The following TEX9 variants were observed in gnomAD, a reference collection of about 807,000 sequenced individuals.
TEX9 encodes the protein testis expressed 9, also known as testis-expressed protein 9.
A neutral mutation model predicts 59.6 loss-of-function variants in TEX9; 74 were observed. That is an observed-to-expected ratio of 1.24 (90% confidence interval 1.03 to 1.51). TEX9 has a LOEUF of 1.51. TEX9 is among the 40% of genes most tolerant of loss of function. The probability of loss-of-function intolerance (pLI) is 0.00; values close to 1 mark genes in which losing one functional copy is unlikely to be tolerated. For missense variants in TEX9, 522 were observed against 447.8 expected, an observed-to-expected ratio of 1.17 and a Z score of -1.49; for synonymous variants, 186 against 152.2, an observed-to-expected ratio of 1.22 and a Z score of -1.64.
At chr15:56,386,380 AC>A (rs1249323861) in intron 4 of TEX9, among the ~76,000 whole-genome samples, 1 of 151,880 alleles carries the variant, frequency 6.6e-6, no homozygotes, top group African/African-American at 2.4e-5. Context: ...ATTAGCTAAA[AC>A]ATATTGACCT....
chr15:56,322,999 A>G (rs1045945236), intron 1 of TEX9, among the ~76,000 whole-genome samples: 7 of 152,124 alleles, frequency 4.6e-5, no homozygotes, highest in African/African-American at 1.7e-4. Context: ...ACAAAAATAA[A>G]GAACGGAGGC....
chr15:56,427,796 A>G, intron 11 of TEX9, 57 bp downstream of exon 11: 1 of 1,347,538 alleles, frequency 7.4e-7, no homozygotes, highest in Middle Eastern at 2.7e-4. Flanking sequence ...TTACTAAAAA[A>G]TTTAGCATTT....
At chr15:56,454,202 T>C in the TEX9 span, among the ~76,000 whole-genome samples, 1 of 152,180 alleles carries the variant, frequency 6.6e-6, no homozygotes. Flanking sequence ...ACTCAAGCAC[T>C]TTCTTCCTTT....
In TEX9 at chr15:56,252,093, A is replaced by C. The variant is rs149971282; in HGVS notation, c.-107+7815A>C. Among the ~76,000 whole-genome samples the C allele has an allele frequency of 3.4e-3, 514 of 152,222 alleles. 3 individuals are homozygous for C. The highest frequency in any genetic ancestry group is 0.012 in the African/African-American group (481 of 41,536). ...TGCATCCTCTCAGCAGTTTTCCCTT[A>C]TCCATTCCCTACCCACTCCCAGCCA... On this transcript the variant is annotated intron_variant, in intron 1 of 5. Transcript: ENST00000560827.
chr15:56,444,035 G>C (rs1404444248), intron 12 of TEX9, among the ~76,000 whole-genome samples: 4 of 151,938 alleles, frequency 2.6e-5, no homozygotes, highest in African/African-American at 9.7e-5. Flanking sequence ...TCTTTGGGTA[G>C]AATACTGTGA....
At chr15:56,403,319 C>A (rs2048895901) in intron 9 of TEX9, among the ~76,000 whole-genome samples, 1 of 152,226 alleles carries the variant, frequency 6.6e-6, no homozygotes, top group Non-Finnish European at 1.5e-5. Context: ...GCAAAAATCA[C>A]AAGCATTCCT....
chr15:56,295,081 T>A (rs2045187244), intron 1 of TEX9, among the ~76,000 whole-genome samples: 1 of 152,148 alleles, frequency 6.6e-6, no homozygotes, highest in Non-Finnish European at 1.5e-5. Flanking sequence ...TATATATTTT[T>A]AATTCTATAA....
intron 9 of TEX9, among the ~76,000 whole-genome samples, chr15:56,402,810 T>G (rs2048864588): frequency 6.6e-6 from 1 of 152,148 alleles, no homozygotes; most frequent in African/African-American, 2.4e-5. Flanking sequence ...TCATCCCTGG[T>G]TGAACAAGGC....
upstream of TEX9, among the ~76,000 whole-genome samples, chr15:56,361,598 C>T (rs2046790148): frequency 6.6e-6 from 1 of 152,002 alleles, no homozygotes; most frequent in Non-Finnish European, 1.5e-5. Flanking sequence ...TTAAAGTGTG[C>T]CACCTCCCCC....
intron 10 of TEX9, chr15:56,421,854 T>G (rs2049992050): frequency 6.6e-6 from 1 of 151,722 alleles, no homozygotes; most frequent in Non-Finnish European, 1.5e-5. Context: ...ATTTTCTTAA[T>G]TCAGTCTATC....
chr15:56,401,744 C>T (rs1454323415), intron 9 of TEX9, among the ~76,000 whole-genome samples: 1 of 152,172 alleles, frequency 6.6e-6, no homozygotes, highest in Non-Finnish European at 1.5e-5. Context: ...AAGCACTCCT[C>T]AGCAAATGTA....
intron 1 of TEX9, among the ~76,000 whole-genome samples, chr15:56,324,063 C>T (rs947331965): frequency 6.6e-6 from 1 of 152,006 alleles, no homozygotes; most frequent in African/African-American, 2.4e-5. Context: ...AAATCGAAAG[C>T]AGGTTCTTAT....
At chr15:56,289,321 G>A (rs2045029484) in intron 1 of TEX9, among the ~76,000 whole-genome samples, 2 of 152,054 alleles carry the variant, frequency 1.3e-5, no homozygotes, top group African/African-American at 4.8e-5. Flanking sequence ...TTATGTTGAT[G>A]TCTATTCACT....
chr15:56,259,939 G>A (rs554830592), intron 1 of TEX9, among the ~76,000 whole-genome samples: 6 of 151,976 alleles, frequency 3.9e-5, no homozygotes, highest in East Asian at 1.9e-4. Context: ...ATGTTTTGCC[G>A]TTTTCACTTT....
intron 3 of TEX9, among the ~76,000 whole-genome samples, chr15:56,376,797 T>C (rs1057366213): frequency 1.3e-5 from 2 of 152,158 alleles, no homozygotes; most frequent in African/African-American, 4.8e-5. Context: ...GACTTTTGCT[T>C]GTGGTGTATT....
intron 1 of TEX9, among the ~76,000 whole-genome samples, chr15:56,288,111 A>G (rs1485536053): frequency 6.6e-6 from 1 of 152,098 alleles, no homozygotes; most frequent in Non-Finnish European, 1.5e-5. Flanking sequence ...ATTTTCCATA[A>G]TGGTTGCACT....
intron 10 of TEX9, among the ~76,000 whole-genome samples, chr15:56,426,637 AAAC>A (rs2050290447): frequency 1.1e-5 from 1 of 94,538 alleles, no homozygotes; most frequent in African/African-American, 3.0e-5. Context: ...ACACACACAC[AAAC>A]ACACACACAC....
chr15:56,334,136 ATTCTTC>A (rs2046212983), intron 1 of TEX9, among the ~76,000 whole-genome samples: 1 of 152,192 alleles, frequency 6.6e-6, no homozygotes, highest in African/African-American at 2.4e-5. Flanking sequence ...TACCACGGAC[ATTCTTC>A]ACAGAAACAA....
At chr15:56,270,543 C>G (rs1195973076) in intron 1 of TEX9, among the ~76,000 whole-genome samples, 8 of 151,764 alleles carry the variant, frequency 5.3e-5, no homozygotes, top group African/African-American at 1.7e-4. Context: ...ATGTGTGTCT[C>G]TGCATGTGAA....
Sources: gnomAD v4.1 joint callset for allele counts (sites outside exome capture counted in the v4.1 genomes callset) on GRCh38, gnomAD v4.1.1 for gene constraint, MANE v1.5 for transcripts, NCBI Gene and HGNC (gene_info 2026-07-23, HGNC 2026-07-21) for gene names.